The following PHKB variants were observed in gnomAD, a reference collection of about 807,000 sequenced individuals.
The protein encoded by PHKB is phosphorylase kinase regulatory subunit beta, also known as phosphorylase b kinase regulatory subunit beta.
Under a neutral mutation model 152.1 loss-of-function variants are expected in PHKB, and 122 were observed. The ratio of observed to expected loss-of-function variants is 0.80; its 90% CI spans 0.69 to 0.93. The LOEUF (loss-of-function observed/expected upper bound fraction) is 0.93. Among genes scored for constraint, PHKB ranks in the 40% least tolerant of loss-of-function variants. The pLI, the probability that PHKB is intolerant of heterozygous loss-of-function variation, is 0.00. For missense variants in PHKB, 1,304 were observed against 1,328.4 expected, an observed-to-expected ratio of 0.98 and a Z score of 0.29; for synonymous variants, 436 against 464.9, an observed-to-expected ratio of 0.94 and a Z score of 0.80.
In PHKB at chr16:47,617,018, C is replaced by T. The variant is rs889599231; in HGVS notation, c.1458+6098C>T. On this transcript the variant is annotated intron_variant, in intron 14 of 30. Transcript: ENST00000323584. ...TCTGCCCTGGGTGGGCCAGGTGTTC[C>T]TTGCCCTCATTCTGGTAAACCAACA... 2.3e-4 allele frequency among the ~76,000 whole-genome samples: 35 copies of T among 151,870 alleles called. 1 individual carries two copies. The highest frequency in any genetic ancestry group is 2.0e-3 in the Admixed American group (31 of 15,230).
rs1971315523 is a variant in PHKB at position 47,553,708 on chromosome 16, A to G, written c.710+6160A>G. Among the ~76,000 whole-genome samples, 3 of 152,100 alleles carry G rather than the reference A, an allele frequency of 2.0e-5. No homozygotes were observed. The South Asian group carries it at 6.2e-4, about 32-fold the overall frequency. On this transcript the variant is annotated intron_variant, in intron 7 of 30. Coordinates refer to ENST00000323584, the MANE Select transcript of PHKB (RefSeq NM_000293.3). ...AGTCTTTTATGTTGGTGACCTTCAGATGGGGTCTCTGAGTGGACATCCTTT... is the reference window on the plus strand; with the variant it reads ...AGTCTTTTATGTTGGTGACCTTCAGGTGGGGTCTCTGAGTGGACATCCTTT...
Position 47,511,739 on chromosome 16 carries a change from G to C in PHKB, c.480G>C (p.Glu160Asp), listed in dbSNP as rs779685840. The C allele has an allele frequency of 2.5e-6, 4 of 1,608,876 alleles. No homozygotes were observed. In the East Asian group the frequency reaches 6.7e-5, roughly 27 times the overall value. ...HSVFNVHTGD[E>D]LLSYEEYGHL... Reference sequence around the variant, plus strand: ...TTTTCAATGTGCATACAGGAGATGAGTTGCTTTCCTATGAGGAATATGGTC... The same window carrying C: ...TTTTCAATGTGCATACAGGAGATGACTTGCTTTCCTATGAGGAATATGGTC... Residue 160 changes from glutamate to aspartate, a missense_variant, in exon 5 of 31, where the codon GAG becomes GAC. Glu to Asp is a conservative substitution (Grantham distance 45). Transcript: ENST00000323584.
At chr16:47,561,532 A>G (rs911147668) in intron 7 of PHKB, 18 of 152,174 alleles carry the variant, frequency 1.2e-4, no homozygotes, top group Admixed American at 1.0e-3. Flanking sequence ...TTGTGAATGC[A>G]TTTTCTAGTT....
At chr16:47,545,004 G>T (rs1184073434) in intron 6 of PHKB, among the ~76,000 whole-genome samples, 2 of 152,202 alleles carry the variant, frequency 1.3e-5, no homozygotes, top group South Asian at 4.2e-4. Context: ...TGTGAGATGG[G>T]TCTCCTGAGT....
At chr16:47,481,735 A>G (rs554887867) in intron 1 of PHKB, among the ~76,000 whole-genome samples, 1 of 152,220 alleles carries the variant, frequency 6.6e-6, no homozygotes. Flanking sequence ...TAAGCCTCAC[A>G]ACATCCCTGT....
intron 7 of PHKB, among the ~76,000 whole-genome samples, chr16:47,574,710 C>G (rs1971720881): frequency 6.6e-6 from 1 of 152,136 alleles, no homozygotes; most frequent in South Asian, 2.1e-4. Context: ...CACGGGAACT[C>G]AGACTAAGAA....
At chr16:47,479,144 T>C (rs1015659400) in intron 1 of PHKB, among the ~76,000 whole-genome samples, 3 of 152,174 alleles carry the variant, frequency 2.0e-5, no homozygotes, top group Non-Finnish European at 2.9e-5. Context: ...AAAGTACTTA[T>C]ACGGTTTTAG....
chr16:47,694,989 C>T (rs1974123128), intron 28 of PHKB, among the ~76,000 whole-genome samples: 1 of 152,176 alleles, frequency 6.6e-6, no homozygotes, highest in South Asian at 2.1e-4. Flanking sequence ...TTTCTAAGTG[C>T]TCATTTAATC....
At chr16:47,566,242 TATC>T (rs1971564110) in intron 7 of PHKB, 3 of 825,442 alleles carry the variant, frequency 3.6e-6, no homozygotes, top group Non-Finnish European at 6.3e-6. Context: ...TCTCCAAAGC[TATC>T]ATCACCTCTT....
At chr16:47,472,427 G>T (rs369837596) in intron 1 of PHKB, among the ~76,000 whole-genome samples, 1 of 152,128 alleles carries the variant, frequency 6.6e-6, no homozygotes, top group Non-Finnish European at 1.5e-5. Flanking sequence ...CAAGGCAGGC[G>T]GGCTGCTTGA....
chr16:47,624,419 G>A (rs1176909886), intron 14 of PHKB, among the ~76,000 whole-genome samples: 1 of 152,150 alleles, frequency 6.6e-6, no homozygotes, highest in Non-Finnish European at 1.5e-5. Flanking sequence ...AGTCAAAATT[G>A]TGCAAAGTGG....
At chr16:47,548,036 A>G (rs557319902) in intron 7 of PHKB, 2 of 167,624 alleles carry the variant, frequency 1.2e-5, no homozygotes, top group African/African-American at 4.8e-5. Context: ...TGTGTGATCA[A>G]CATCTTGAGC....
At chr16:47,536,388 T>C (rs2151665030) in intron 6 of PHKB, among the ~76,000 whole-genome samples, 1 of 152,340 alleles carries the variant, frequency 6.6e-6, no homozygotes, top group Middle Eastern at 3.4e-3. Flanking sequence ...AATGTTATAC[T>C]TCCTCAAGAG....
intron 1 of PHKB, among the ~76,000 whole-genome samples, chr16:47,471,549 A>G (rs1253043203): frequency 6.6e-6 from 1 of 152,168 alleles, no homozygotes; most frequent in African/African-American, 2.4e-5. Flanking sequence ...GCATAGGGCC[A>G]CTCAATCTAT....
At chr16:47,588,016 G>A (rs1971963754) in intron 9 of PHKB, among the ~76,000 whole-genome samples, 2 of 152,086 alleles carry the variant, frequency 1.3e-5, no homozygotes, top group Non-Finnish European at 2.9e-5. Flanking sequence ...TCTTTTGGGG[G>A]AGTAGCAACA....
intron 26 of PHKB, among the ~76,000 whole-genome samples, chr16:47,684,774 CAAAAAAA>C: frequency 7.9e-6 from 1 of 125,966 alleles, no homozygotes; most frequent in East Asian, 2.2e-4. Flanking sequence ...GACTCCGTCT[CAAAAAAA>C]AAAAAAAGAG....
intron 26 of PHKB, among the ~76,000 whole-genome samples, chr16:47,681,318 G>A (rs896907047): frequency 1.3e-5 from 2 of 148,734 alleles, no homozygotes; most frequent in African/African-American, 4.9e-5. Context: ...CAATTCCTGG[G>A]TATCCTTGTT....
intron 8 of PHKB, among the ~76,000 whole-genome samples, chr16:47,580,635 C>A (rs1437034969): frequency 6.8e-6 from 1 of 147,800 alleles, no homozygotes; most frequent in African/African-American, 2.5e-5. Flanking sequence ...TCCCTCAAAT[C>A]TATTACTCAT....
chr16:47,582,003 A>G (rs1043139323), intron 8 of PHKB, among the ~76,000 whole-genome samples: 3 of 152,194 alleles, frequency 2.0e-5, no homozygotes, highest in African/African-American at 7.2e-5. Flanking sequence ...ATTATTTATG[A>G]AGTAATAGTA....
Sources: gnomAD v4.1 joint callset for allele counts (sites outside exome capture counted in the v4.1 genomes callset) on GRCh38, gnomAD v4.1.1 for gene constraint, MANE v1.5 for transcripts, NCBI Gene and HGNC (gene_info 2026-07-23, HGNC 2026-07-21) for gene names.